Variants in COL6A6 observed in about 807,000 individuals in gnomAD.
The protein encoded by COL6A6 is collagen alpha-6(VI) chain.
In COL6A6, 183 loss-of-function variants were observed where a neutral mutation model predicts 208.6. That is an observed-to-expected ratio of 0.88 (90% confidence interval 0.78 to 0.99). The LOEUF (loss-of-function observed/expected upper bound fraction) is 0.99, where lower values mean the gene tolerates loss of function less well. COL6A6 is among the 50% of genes least tolerant of loss of function. COL6A6 has a pLI of 0.00. For missense variants in COL6A6, 2,816 were observed against 2,815.2 expected (o/e 1.00, Z -0.01); for synonymous variants, 973 against 1,011.8 (o/e 0.96, Z 0.73).
intron 1 of COL6A6, among the ~76,000 whole-genome samples, chr3:130,538,964 A>G (rs576667309): frequency 6.6e-6 from 1 of 152,204 alleles, no homozygotes; most frequent in South Asian, 2.1e-4. Context: ...ATAGTAAGTT[A>G]AATTATTACT....
At chr3:130,590,982 G>T in intron 12 of COL6A6, 59 bp from the exon 13 acceptor site, 2 of 1,300,320 alleles carry the variant, frequency 1.5e-6, no homozygotes, top group Non-Finnish European at 2.2e-6. Flanking sequence ...AATTTGGTTT[G>T]GTTACCTCTG....
At chr3:130,518,865 A>G (rs1213721093) in intron 1 of COL6A6, among the ~76,000 whole-genome samples, 1 of 152,192 alleles carries the variant, frequency 6.6e-6, no homozygotes. Flanking sequence ...CGTGCCTCAA[A>G]AGAAGGTGTG....
intron 18 of COL6A6, among the ~76,000 whole-genome samples, chr3:130,595,309 T>A (rs1433810643): frequency 3.3e-5 from 5 of 152,248 alleles, no homozygotes; most frequent in African/African-American, 9.6e-5. Flanking sequence ...GAATTAAGAT[T>A]TAGCTTTGTT....
intron 1 of COL6A6, among the ~76,000 whole-genome samples, chr3:130,552,036 G>T (rs1485736153): frequency 1.3e-5 from 2 of 152,072 alleles, no homozygotes; most frequent in African/African-American, 2.4e-5. Flanking sequence ...TGTGATTTTA[G>T]TTTTTTAATT....
chr3:130,574,569 T>C, intron 8 of COL6A6, 44 bp downstream of exon 8: 1 of 1,500,140 alleles, frequency 6.7e-7, no homozygotes, highest in South Asian at 1.2e-5. Context: ...TACACCATCT[T>C]CTCTGGCATT....
Position 130,591,051 on chromosome 3 carries a change from GT to G in COL6A6, c.4233del (p.Phe1411LeufsTer43). On this transcript the variant is annotated frameshift_variant, in exon 13 of 37. Coordinates refer to ENST00000358511, the MANE Select transcript of COL6A6 (RefSeq NM_001102608.3). LOFTEE classifies it high-confidence loss of function. Reference sequence around the variant, plus strand: ...TTTTCTTATTTCCAGGGACCTCCAGGTTTTAAAGGCAGTGAAGGCTACCTGG... The same window carrying G: ...TTTTCTTATTTCCAGGGACCTCCAGGTTTAAAGGCAGTGAAGGCTACCTGG... ...PGPPGKRGPP[G>X]FKGSEGYLGE... The G allele has an allele frequency of 3.2e-6, 5 of 1,580,138 alleles. No homozygotes were observed. The highest frequency in any genetic ancestry group is 4.3e-6 in the Non-Finnish European group (5 of 1,161,064).
intron 26 of COL6A6, among the ~76,000 whole-genome samples, chr3:130,627,696 A>C (rs796872996): frequency 6.6e-6 from 1 of 152,220 alleles, no homozygotes; most frequent in South Asian, 2.1e-4. Context: ...AAGCATTCCA[A>C]AATCAGTCCT....
At chr3:130,617,328 A>G (rs1423351581) in intron 23 of COL6A6, among the ~76,000 whole-genome samples, 2 of 152,206 alleles carry the variant, frequency 1.3e-5, no homozygotes, top group African/African-American at 4.8e-5. Context: ...CTGAATGTTA[A>G]AAGAGAATTA....
Position 130,574,491 on chromosome 3 carries a change from C to T in COL6A6, c.3513C>T (p.Ile1171=), listed in dbSNP as rs755097067. ...FDELKKVNKR[I]VRNICTTAGE... is the part of the protein sequence containing the mutation. ...AACTGAAGAAGGTCAATAAAAGGATCGTTCGCAACATCTGTACCACAGCGG... is the reference window on the plus strand; with the variant it reads ...AACTGAAGAAGGTCAATAAAAGGATTGTTCGCAACATCTGTACCACAGCGG... Residue 1171 remains isoleucine (I), a synonymous_variant, in exon 8 of 37, where the codon ATC becomes ATT. Coordinates refer to ENST00000358511, the MANE Select transcript of COL6A6 (RefSeq NM_001102608.3). The T allele has an allele frequency of 5.0e-6, 8 of 1,613,954 alleles. No homozygotes were observed. Among genetic ancestry groups the T allele is most frequent in the South Asian group, 1.1e-5 (1 of 91,076 alleles).
In COL6A6 at chr3:130,597,574, T is replaced by G. The variant is rs1169026544; in HGVS notation, c.4534-791T>G. On this transcript the variant is annotated intron_variant, in intron 18 of 36. Transcript: ENST00000358511. ...CTGGATAATTGTTGTCCTCTCTCAG[T>G]TTATTGGAGCATTGACTGAATTGAC... Among the ~76,000 whole-genome samples, 5 of 152,180 alleles carry G rather than the reference T, an allele frequency of 3.3e-5. No homozygotes were observed. In the East Asian group the frequency reaches 9.6e-4, roughly 29 times the overall value.
chr3:130,617,906 A>G (rs1057300048), intron 23 of COL6A6, among the ~76,000 whole-genome samples: 1 of 152,176 alleles, frequency 6.6e-6, no homozygotes, highest in African/African-American at 2.4e-5. Context: ...ATCTCTTCTG[A>G]TAAGGTGCTA....
chr3:130,525,920 A>G (rs1161342417), intron 1 of COL6A6, among the ~76,000 whole-genome samples: 2 of 152,194 alleles, frequency 1.3e-5, no homozygotes, highest in Admixed American at 6.5e-5. Context: ...GGACTTTCCA[A>G]GTTAATCAGT....
intron 1 of COL6A6, among the ~76,000 whole-genome samples, chr3:130,545,522 C>T (rs9855383): frequency 0.012 from 1,849 of 149,960 alleles, 17 homozygotes; most frequent in Non-Finnish European, 0.018. Context: ...GGCATGATCT[C>T]GGCTCACTGC....
intron 23 of COL6A6, among the ~76,000 whole-genome samples, chr3:130,613,853 G>A (rs943599020): frequency 3.9e-5 from 6 of 152,126 alleles, no homozygotes; most frequent in Non-Finnish European, 5.9e-5. Context: ...ACTGATTTTT[G>A]TATTTCAATT....
chr3:130,668,370 C>T (rs532654713), intron 36 of COL6A6, among the ~76,000 whole-genome samples: 1 of 151,864 alleles, frequency 6.6e-6, no homozygotes, highest in South Asian at 2.1e-4. Context: ...CCCAGCTACT[C>T]GGGAGGCTGA....
chr3:130,620,623 T>G (rs1224331496), intron 23 of COL6A6, among the ~76,000 whole-genome samples: 4 of 151,674 alleles, frequency 2.6e-5, no homozygotes, highest in African/African-American at 4.8e-5. Flanking sequence ...GGGGGAGAGA[T>G]AGGGTATTAT....
chr3:130,653,157 C>T (rs756626778), intron 33 of COL6A6, among the ~76,000 whole-genome samples: 8 of 152,184 alleles, frequency 5.3e-5, no homozygotes, highest in Non-Finnish European at 7.3e-5. Flanking sequence ...ATTGCTTCTT[C>T]TGATAAAATT....
chr3:130,575,310 A>G (rs182958464), intron 8 of COL6A6, among the ~76,000 whole-genome samples: 8 of 152,340 alleles, frequency 5.3e-5, no homozygotes, highest in Admixed American at 3.3e-4. Flanking sequence ...ACCTAGTTCA[A>G]AAGAACATTG....
chr3:130,658,805 G>T, intron 34 of COL6A6, 33 bp downstream of exon 34: 1 of 1,502,610 alleles, frequency 6.7e-7, no homozygotes, highest in Non-Finnish European at 9.2e-7. Context: ...AATTTGGTCA[G>T]GCCTATTAAG....
Sources: gnomAD v4.1 joint callset for allele counts (sites outside exome capture counted in the v4.1 genomes callset) on GRCh38, gnomAD v4.1.1 for gene constraint, MANE v1.5 for transcripts, NCBI Gene and HGNC (gene_info 2026-07-23, HGNC 2026-07-21) for gene names.